NME8: variants seen among roughly 807,000 people sequenced by gnomAD.
NME8 encodes the protein NME/NM23 family member 8.
Under a neutral mutation model 82.3 loss-of-function variants are expected in NME8, and 72 were observed. The ratio of observed to expected loss-of-function variants is 0.87; its 90% CI spans 0.72 to 1.06. The LOEUF (loss-of-function observed/expected upper bound fraction) is 1.06, where lower values mean the gene tolerates loss of function less well. Ranked by LOEUF, NME8 falls within the 50% of genes least tolerant of loss-of-function variation. The pLI is 0.00. For synonymous variants in NME8, 267 were observed against 228.5 expected (o/e 1.17, Z -1.52); for missense variants, 712 against 685.4 (o/e 1.04, Z -0.43).
At chr7:37,887,466 A>G (rs1436358770) in intron 14 of NME8, among the ~76,000 whole-genome samples, 2 of 152,202 alleles carry the variant, frequency 1.3e-5, no homozygotes, top group African/African-American at 2.4e-5. Flanking sequence ...TACACACACC[A>G]TATATTTCAA....
chr7:37,876,375 C>T (rs1176880274), intron 11 of NME8, among the ~76,000 whole-genome samples: 1 of 151,484 alleles, frequency 6.6e-6, no homozygotes, highest in Non-Finnish European at 1.5e-5. Context: ...AATTTTACCA[C>T]ATATATTTTT....
At chr7:37,887,822 G>A (rs1004876348) in intron 14 of NME8, among the ~76,000 whole-genome samples, 4 of 152,146 alleles carry the variant, frequency 2.6e-5, no homozygotes, top group African/African-American at 9.7e-5. Flanking sequence ...ATGAGTGCCA[G>A]CAGGGCTTGT....
chr7:37,866,213 T>A (rs1330231174), intron 10 of NME8, among the ~76,000 whole-genome samples: 1 of 152,052 alleles, frequency 6.6e-6, no homozygotes, highest in African/African-American at 2.4e-5. Flanking sequence ...GAATTTAAAT[T>A]CATTAAGATT....
intron 12 of NME8, among the ~76,000 whole-genome samples, chr7:37,882,597 A>AAGAAAGAAAGAAAGAAAG (rs1554365622): frequency 3.1e-3 from 261 of 83,016 alleles, no homozygotes; most frequent in Non-Finnish European, 4.6e-3. Flanking sequence ...GAAAGAAAGA[A>AAGAAAGAAAGAAAGAAAG]AGAGAGAGAG....
At chr7:37,864,645 A>T (rs149186250) in intron 9 of NME8, among the ~76,000 whole-genome samples, 74 of 152,274 alleles carry the variant, frequency 4.9e-4, no homozygotes, top group African/African-American at 1.6e-3. Flanking sequence ...TGTAAATTTT[A>T]AAAAATTATA....
intron 12 of NME8, among the ~76,000 whole-genome samples, chr7:37,880,556 T>G (rs753095649): frequency 6.6e-6 from 1 of 152,206 alleles, no homozygotes; most frequent in Non-Finnish European, 1.5e-5. Flanking sequence ...CATTAATCAA[T>G]GTGGCTAGGT....
chr7:37,878,680 ATAGACTTTACAGAACAGTTT>A (rs1285951170), intron 12 of NME8, among the ~76,000 whole-genome samples: 3 of 152,220 alleles, frequency 2.0e-5, no homozygotes, highest in African/African-American at 7.2e-5. Flanking sequence ...TTTTAAATAA[ATAGACTTTACAGAACAGTTT>A]TAGATTTACA....
Position 37,885,125 on chromosome 7 carries a change from T to C in NME8, c.1140-20T>C. The stretch of plus-strand genomic sequence containing the variant: ...GAGCTACACTTCTTATTACCTCTTC[T>C]TTGTTTTCTTTTCTAATAGTGGTCC... On this transcript the variant is annotated intron_variant, in intron 13 of 17. Coordinates refer to ENST00000199447, the MANE Select transcript of NME8 (RefSeq NM_016616.5). The C allele has an allele frequency of 6.6e-7, 1 of 1,523,878 alleles. No homozygotes were observed. The highest frequency in any genetic ancestry group is 9.1e-7 in the Non-Finnish European group (1 of 1,098,978). 94.4% of individuals were successfully genotyped at this position (1,523,878 alleles called of 1,614,324 possible).
chr7:37,849,244 G>A (rs983285383), intron 2 of NME8, 188 bp downstream of exon 2: 8 of 152,162 alleles, frequency 5.3e-5, no homozygotes, highest in African/African-American at 1.9e-4. Context: ...TAGTGGCCTT[G>A]TTCTCAAGAT....
At chr7:37,880,484 C>CT (rs1784927062) in intron 12 of NME8, among the ~76,000 whole-genome samples, 1 of 152,196 alleles carries the variant, frequency 6.6e-6, no homozygotes, top group African/African-American at 2.4e-5. Flanking sequence ...GCCTTTGCAA[C>CT]TTTATCACAA....
chr7:37,854,689 C>T (rs1013924883), intron 5 of NME8, among the ~76,000 whole-genome samples: 4 of 152,274 alleles, frequency 2.6e-5, no homozygotes, highest in East Asian at 3.9e-4. Context: ...TCTCCCTCAT[C>T]GTCTGGCACT....
At chr7:37,861,547 T>A (rs1018477944) in intron 6 of NME8, among the ~76,000 whole-genome samples, 8 of 152,104 alleles carry the variant, frequency 5.3e-5, no homozygotes, top group African/African-American at 1.9e-4. Context: ...TAGGGCTTTT[T>A]AAAAAAAACC....
At chr7:37,886,706 T>C (rs759833462) in intron 14 of NME8, among the ~76,000 whole-genome samples, 6 of 151,848 alleles carry the variant, frequency 4.0e-5, no homozygotes, top group Non-Finnish European at 8.8e-5. Flanking sequence ...TTGAGTAGAG[T>C]AAGTGCTCAG....
intron 12 of NME8, among the ~76,000 whole-genome samples, chr7:37,882,602 AGAGAGAGAGAGAGAAAGAAAG>A (rs1784974075): frequency 4.4e-5 from 4 of 91,702 alleles, no homozygotes; most frequent in African/African-American, 1.4e-4. Flanking sequence ...AAAGAAAGAG[AGAGAGAGAGAGAGAAAGAAAG>A]AAAGAAAGAA....
At chr7:37,855,582 C>T (rs971440897) in intron 5 of NME8, among the ~76,000 whole-genome samples, 1 of 152,128 alleles carries the variant, frequency 6.6e-6, no homozygotes, top group East Asian at 1.9e-4. Flanking sequence ...ATCTTTTCTC[C>T]TTAATTATTT....
chr7:37,863,898 G>A (rs544233071), intron 8 of NME8, among the ~76,000 whole-genome samples: 1 of 152,172 alleles, frequency 6.6e-6, no homozygotes, highest in African/African-American at 2.4e-5. Flanking sequence ...GGGAGCAGAG[G>A]CAAACAGCCA....
chr7:37,857,481 A>G (rs1379829064), intron 6 of NME8, 136 bp downstream of exon 6: 4 of 651,310 alleles, frequency 6.1e-6, no homozygotes, highest in Non-Finnish European at 1.1e-5. Flanking sequence ...TTTCTTGACT[A>G]TTTATAAATT....
rs183600800 is a variant in NME8 at position 37,848,646 on chromosome 7, C to A, written c.-323C>A. ...AGAACAGAGTCTTGTGATGGTGGAA[C>A]CAGGACTTCGTTGTTCCTTCATTGT... is the stretch of plus-strand genomic sequence containing the variant. On this transcript the variant is annotated 5_prime_UTR_variant, in exon 1 of 18. Transcript: ENST00000199447. The A allele has an allele frequency of 2.3e-4, 35 of 152,468 alleles. No homozygotes were observed. Among genetic ancestry groups the A allele is most frequent in the African/African-American group, 8.2e-4 (34 of 41,556 alleles). 9.4% of individuals were successfully genotyped at this position (152,468 alleles called of 1,614,324 possible). A position where few individuals can be genotyped will look rare whatever the true frequency, so the allele number is the denominator to read the frequency against.
intron 9 of NME8, 85 bp downstream of exon 9, chr7:37,864,506 A>C (rs1187890634): frequency 2.8e-5 from 37 of 1,334,654 alleles, no homozygotes; most frequent in Non-Finnish European, 3.7e-5. Flanking sequence ...CGTACCATTT[A>C]GAGTGAAATA....
Sources: gnomAD v4.1 joint callset for allele counts (sites outside exome capture counted in the v4.1 genomes callset) on GRCh38, gnomAD v4.1.1 for gene constraint, MANE v1.5 for transcripts, NCBI Gene and HGNC (gene_info 2026-07-23, HGNC 2026-07-21) for gene names.